The following XYLT1 variants were observed in gnomAD, a reference collection of about 807,000 sequenced individuals.
XYLT1 encodes beta-D-xylosyltransferase 1.
XYLT1 carries 36 observed loss-of-function variants against 91.3 expected under a neutral mutation model. The observed-to-expected ratio is 0.39, with a 90% CI of 0.30 to 0.52. The LOEUF is 0.52. XYLT1 is among the 20% of genes least tolerant of loss of function. The probability of loss-of-function intolerance (pLI) is 0.68; values close to 1 mark genes in which losing one functional copy is unlikely to be tolerated. For missense variants in XYLT1, 1,242 were observed against 1,284.5 expected, an observed-to-expected ratio of 0.97 and a Z score of 0.51; for synonymous variants, 588 against 532.0, an observed-to-expected ratio of 1.11 and a Z score of -1.45.
At chr16:17,449,093 A>G (rs1438541741) in intron 1 of XYLT1, among the ~76,000 whole-genome samples, 1 of 152,208 alleles carries the variant, frequency 6.6e-6, no homozygotes, top group Non-Finnish European at 1.5e-5. Context: ...GTGTCATGCC[A>G]TGCCTGGTCT....
intron 1 of XYLT1, among the ~76,000 whole-genome samples, chr16:17,409,233 C>T (rs2036074672): frequency 6.6e-6 from 1 of 152,098 alleles, no homozygotes; most frequent in Non-Finnish European, 1.5e-5. Context: ...TACTGGAAAG[C>T]AGAAAATAAG....
chr16:17,263,348 A>G (rs2141763437), intron 2 of XYLT1, among the ~76,000 whole-genome samples: 1 of 152,156 alleles, frequency 6.6e-6, no homozygotes, highest in East Asian at 1.9e-4. Flanking sequence ...AATGTGTAAT[A>G]TCAGGAAGAG....
At chr16:17,421,027 G>A (rs770340751) in intron 1 of XYLT1, among the ~76,000 whole-genome samples, 10 of 152,026 alleles carry the variant, frequency 6.6e-5, no homozygotes, top group African/African-American at 1.2e-4. Flanking sequence ...TATTAATATC[G>A]GCTTCCCTTC....
intron 1 of XYLT1, among the ~76,000 whole-genome samples, chr16:17,384,786 G>C (rs2035727042): frequency 6.6e-6 from 1 of 151,902 alleles, no homozygotes; most frequent in Non-Finnish European, 1.5e-5. Flanking sequence ...AGCTCCGAGG[G>C]TGAGTAAAAA....
In XYLT1 at chr16:17,141,266, C is replaced by T. The variant is rs1395692976; in HGVS notation, c.1474G>A (p.Gly492Ser). 7 of 1,614,052 alleles carry T rather than the reference C, an allele frequency of 4.3e-6. No homozygotes were observed. Among genetic ancestry groups the T allele is most frequent in the African/African-American group, 2.7e-5 (2 of 74,914 alleles). The change falls in exon 7 of 12, where the codon GGT becomes AGT. Residue 492 changes from glycine to serine, a missense_variant. Coordinates refer to ENST00000261381, the MANE Select transcript of XYLT1 (RefSeq NM_022166.4). ...RIPEGIAVDG[G>S]SDWFLLNRRF... ...CGGTTCAGCAGGAACCAGTCCGAAC[C>T]GCCATCCACGGCAATGCCCTCTGGG...
intron 2 of XYLT1, among the ~76,000 whole-genome samples, chr16:17,282,335 G>A (rs1264802077): frequency 6.6e-6 from 1 of 152,166 alleles, no homozygotes; most frequent in Admixed American, 6.5e-5. Context: ...TTTGAATGGC[G>A]GGGGTGCTGA....
intron 3 of XYLT1, among the ~76,000 whole-genome samples, chr16:17,222,730 C>T (rs1486114792): frequency 6.9e-6 from 1 of 145,350 alleles, no homozygotes; most frequent in Non-Finnish European, 1.5e-5. Flanking sequence ...GCAGAGATTG[C>T]AGCGAGCCGG....
At chr16:17,411,626 G>A (rs765019186) in intron 1 of XYLT1, among the ~76,000 whole-genome samples, 1 of 152,204 alleles carries the variant, frequency 6.6e-6, no homozygotes, top group Non-Finnish European at 1.5e-5. Context: ...CCCCTTGGTT[G>A]CCTCTGAGTT....
At chr16:17,431,634 A>G (rs1257787288) in intron 1 of XYLT1, among the ~76,000 whole-genome samples, 2 of 152,172 alleles carry the variant, frequency 1.3e-5, no homozygotes, top group East Asian at 3.8e-4. Flanking sequence ...AGAAAGCAAA[A>G]TGCTACACCG....
intron 2 of XYLT1, among the ~76,000 whole-genome samples, chr16:17,274,069 G>A (rs1158777376): frequency 2.0e-5 from 3 of 151,622 alleles, no homozygotes; most frequent in Non-Finnish European, 4.4e-5. Context: ...ACGTCACCAT[G>A]CCTGGCTAAT....
At chr16:17,318,913 G>A (rs928039996) in intron 2 of XYLT1, among the ~76,000 whole-genome samples, 19 of 151,686 alleles carry the variant, frequency 1.3e-4, no homozygotes, top group African/African-American at 4.4e-4. Context: ...TCATCCTCTC[G>A]AGTAGCTGGG....
At chr16:17,273,174 G>A (rs1287431445) in intron 2 of XYLT1, among the ~76,000 whole-genome samples, 2 of 152,144 alleles carry the variant, frequency 1.3e-5, no homozygotes, top group African/African-American at 2.4e-5. Context: ...ATTATGAATG[G>A]TTTTAACATA....
At chr16:17,192,994 GT>G (rs2032353883) in intron 5 of XYLT1, 1 of 151,768 alleles carries the variant, frequency 6.6e-6, no homozygotes, top group Non-Finnish European at 1.5e-5. Context: ...TGTATTTTTA[GT>G]TGAGTCGGGG....
intron 2 of XYLT1, among the ~76,000 whole-genome samples, chr16:17,310,883 G>C (rs1057272850): frequency 2.6e-5 from 4 of 152,148 alleles, no homozygotes; most frequent in Non-Finnish European, 4.4e-5. Flanking sequence ...AAGGAAGAGA[G>C]AGCTTTGTTC....
chr16:17,414,279 T>C (rs1265224579), intron 1 of XYLT1, among the ~76,000 whole-genome samples: 1 of 152,238 alleles, frequency 6.6e-6, no homozygotes, highest in Non-Finnish European at 1.5e-5. Context: ...CTCGCTGTGT[T>C]GTCACCCAGA....
intron 1 of XYLT1, among the ~76,000 whole-genome samples, chr16:17,402,129 T>A (rs1248505845): frequency 7.8e-6 from 1 of 127,932 alleles, no homozygotes; most frequent in Non-Finnish European, 1.7e-5. Flanking sequence ...CAAAGCCCTG[T>A]TTCTACAAAA....
intron 6 of XYLT1, among the ~76,000 whole-genome samples, chr16:17,149,203 G>T (rs1041181415): frequency 6.6e-6 from 1 of 152,194 alleles, no homozygotes; most frequent in Non-Finnish European, 1.5e-5. Flanking sequence ...TAACAAAGAA[G>T]TTTCTCAATT....
intron 1 of XYLT1, among the ~76,000 whole-genome samples, chr16:17,455,728 T>C (rs1341102472): frequency 6.6e-6 from 1 of 152,362 alleles, no homozygotes; most frequent in East Asian, 1.9e-4. Flanking sequence ...CCGGCCAGGC[T>C]ATTTTCTGCG....
At chr16:17,269,021 A>C (rs1256000093) in intron 2 of XYLT1, among the ~76,000 whole-genome samples, 1 of 152,136 alleles carries the variant, frequency 6.6e-6, no homozygotes, top group African/African-American at 2.4e-5. Context: ...TCAAGTCCTG[A>C]ATCATCCTCA....
Sources: allele counts gnomAD v4.1 joint callset (sites outside exome capture counted in the v4.1 genomes callset), GRCh38; gene constraint gnomAD v4.1.1; transcripts MANE v1.5; gene names NCBI Gene and HGNC (gene_info 2026-07-23, HGNC 2026-07-21).